The following KIAA0513 variants were observed in gnomAD, a reference collection of about 807,000 sequenced individuals.
KIAA0513 encodes KIAA0513, also known as uncharacterized protein KIAA0513.
A neutral mutation model predicts 56.5 loss-of-function variants in KIAA0513; 39 were observed. The ratio of observed to expected loss-of-function variants is 0.69; its 90% confidence interval spans 0.53 to 0.90. The LOEUF is 0.90. KIAA0513 is among the 40% of genes least tolerant of loss of function. KIAA0513 has a pLI of 0.00. For missense variants in KIAA0513, 591 were observed against 535.2 expected (o/e 1.10, Z -1.03); for synonymous variants, 268 against 215.6 (o/e 1.24, Z -2.13).
In KIAA0513 at chr16:85,030,663, G is replaced by A. The variant is rs532683894; in HGVS notation, c.-173+2805G>A. On this transcript the variant is annotated intron_variant, in intron 1 of 12. Transcript: ENST00000683363. ...TCAGGAGGCTGAGGCAGAATCACTG[G>A]AACCCAGGAGGCGGAGGTTGCAGTG... Among the ~76,000 whole-genome samples, 5 of 151,810 alleles carry A rather than the reference G, an allele frequency of 3.3e-5. No homozygotes were observed. In the South Asian group the frequency reaches 1.0e-3, roughly 32 times the overall value.
chr16:85,073,742 G>A (rs901525550), intron 4 of KIAA0513, among the ~76,000 whole-genome samples: 1 of 152,182 alleles, frequency 6.6e-6, no homozygotes, highest in Admixed American at 6.5e-5. Flanking sequence ...GCCCTGATCT[G>A]GGCATATCTG....
chr16:85,082,450 C>A, intron 9 of KIAA0513, 114 bp from the exon 10 acceptor site: 1 of 980,408 alleles, frequency 1.0e-6, no homozygotes, highest in Non-Finnish European at 1.6e-6. Flanking sequence ...TTTCTCTGTC[C>A]CGCTCCGTTT....
In KIAA0513 at chr16:85,077,610, G is replaced by T; in HGVS notation, c.760G>T (p.Gly254Trp). The T allele has an allele frequency of 6.2e-7, 1 of 1,613,034 alleles. No homozygotes were observed. Among genetic ancestry groups the T allele is most frequent in the Non-Finnish European group, 8.5e-7 (1 of 1,179,438 alleles). The part of the protein sequence containing the change: ...FFGGLETKLK[G>W]PLARRNEEDE... ...CGGGGGGCTGGAGACCAAGCTGAAG[G>T]GGCCCCTGGCCAGGAGGAACGAGTA... Residue 254 changes from glycine to tryptophan, a missense_variant, in exon 6 of 13, where the codon GGG (glycine) becomes TGG (tryptophan). Gly to Trp is a radical substitution (Grantham distance 184, BLOSUM62 -2). Coordinates refer to ENST00000683363, the MANE Select transcript of KIAA0513 (RefSeq NM_001388359.1).
At chr16:85,041,824 G>A (rs1597594195) in intron 1 of KIAA0513, among the ~76,000 whole-genome samples, 1 of 152,084 alleles carries the variant, frequency 6.6e-6, no homozygotes, top group Non-Finnish European at 1.5e-5. Flanking sequence ...GGGGGTTCTG[G>A]ACCCATCTGA....
chr16:85,084,745 A>G (rs975008716), intron 10 of KIAA0513, among the ~76,000 whole-genome samples: 1 of 150,756 alleles, frequency 6.6e-6, no homozygotes, highest in East Asian at 1.9e-4. Context: ...TTGTATTTTT[A>G]GTAGAGACAG....
At chr16:85,072,082 G>A (rs542927332) in intron 3 of KIAA0513, among the ~76,000 whole-genome samples, 200 bp downstream of exon 3, 1 of 152,302 alleles carries the variant, frequency 6.6e-6, no homozygotes, top group South Asian at 2.1e-4. Context: ...TCTGGGCACA[G>A]TGGCTCATGC....
chr16:85,064,976 C>T (rs560564251), intron 1 of KIAA0513, among the ~76,000 whole-genome samples: 22 of 152,300 alleles, frequency 1.4e-4, no homozygotes, highest in Admixed American at 2.6e-4. Flanking sequence ...TGAGCCACCG[C>T]GCCCGGCCTA....
intron 1 of KIAA0513, among the ~76,000 whole-genome samples, chr16:85,052,190 C>G (rs1335522712): frequency 1.3e-5 from 2 of 152,158 alleles, no homozygotes; most frequent in East Asian, 3.9e-4. Context: ...CATGGTGGCA[C>G]ACGCCTGTAG....
At position 85,075,907 on chromosome 16, in the gene KIAA0513, C is replaced by T. The variant is rs764091109; in HGVS notation, c.567C>T (p.Tyr189=). 1.5e-5 allele frequency: 25 copies of T among 1,612,946 alleles called. No homozygotes were observed. The highest frequency in any genetic ancestry group is 2.0e-5 in the Non-Finnish European group (24 of 1,179,058). ...KNLMTMCFTY[Y]HIGKPQLLPP... ...TCATGACCATGTGCTTCACCTACTA[C>T]CACATCGGTAAGACATGGGTGGGCT... The change falls in exon 5 of 13, where the codon TAC becomes TAT. Residue 189 remains tyrosine, a synonymous_variant. Transcript: ENST00000683363.
intron 1 of KIAA0513, among the ~76,000 whole-genome samples, chr16:85,035,446 TC>T (rs951173630): frequency 2.6e-5 from 4 of 152,190 alleles, no homozygotes; most frequent in Non-Finnish European, 4.4e-5. Flanking sequence ...TCTTTTAGCG[TC>T]AGAATCTCTC....
At position 85,058,519 on chromosome 16, in the gene KIAA0513, G is replaced by T. The variant is rs2073360607; in HGVS notation, c.-172-8381G>T. 4.6e-5 allele frequency among the ~76,000 whole-genome samples: 7 copies of T among 151,928 alleles called. No individual in the cohort carries two copies. In the South Asian group the frequency reaches 1.5e-3, roughly 32 times the overall value. On this transcript the variant is annotated intron_variant, in intron 1 of 12. Transcript: ENST00000683363. ...AGTACAAAATTAGCCGGGTGGGGTG[G>T]CGCATGCCTGTAATTCCAGCTACTT... is the stretch of plus-strand genomic sequence containing the variant.
intron 4 of KIAA0513, among the ~76,000 whole-genome samples, chr16:85,075,464 T>G (rs1431407700): frequency 2.0e-5 from 3 of 152,168 alleles, no homozygotes; most frequent in Non-Finnish European, 4.4e-5. Flanking sequence ...TCATCCAGCT[T>G]ACTGCTAGTT....
chr16:85,075,168 AT>A (rs2073638246), intron 4 of KIAA0513, among the ~76,000 whole-genome samples: 1 of 138,328 alleles, frequency 7.2e-6, no homozygotes, highest in Non-Finnish European at 1.6e-5. Flanking sequence ...TTATAGTTTT[AT>A]TACTAGTTTA....
chr16:85,067,398 A>C lies in KIAA0513; in HGVS notation c.327A>C (p.Gly109=). The change falls in exon 2 of 13, where the codon GGA becomes GGC. Residue 109 remains glycine (G), a splice_region_variant and synonymous_variant. Coordinates refer to ENST00000683363, the MANE Select transcript of KIAA0513 (RefSeq NM_001388359.1). ...MRGYVEKIFS[G]GEDLDQEEKA... is the part of the protein sequence containing the mutation. ...GCTACGTGGAGAAGATCTTCTCTGG[A>C]GGGTAAGGGGCCTGTGTGGACGAGA... The C allele has an allele frequency of 6.3e-7, 1 of 1,597,174 alleles. No individual in the cohort carries two copies. The highest frequency in any genetic ancestry group is 1.1e-5 in the South Asian group (1 of 90,532).
chr16:85,037,562 A>G (rs1046579705), intron 1 of KIAA0513, among the ~76,000 whole-genome samples: 16 of 152,180 alleles, frequency 1.1e-4, no homozygotes, highest in African/African-American at 3.6e-4. Flanking sequence ...TTAAAAACTT[A>G]ATTTGCAGTG....
intron 10 of KIAA0513, among the ~76,000 whole-genome samples, chr16:85,083,338 T>C (rs1329337194): frequency 6.6e-6 from 1 of 152,228 alleles, no homozygotes; most frequent in African/African-American, 2.4e-5. Flanking sequence ...GGCTCTTTTG[T>C]TGGAGGATTC....
In KIAA0513 at chr16:85,052,268, T is replaced by C. The variant is rs1283174498; in HGVS notation, c.-172-14632T>C. Among the ~76,000 whole-genome samples the C allele has an allele frequency of 2.6e-5, 4 of 152,142 alleles. No individual in the cohort carries two copies. The South Asian group carries it at 8.3e-4, about 32-fold the overall frequency. On this transcript the variant is annotated intron_variant, in intron 1 of 12. Coordinates refer to ENST00000683363, the MANE Select transcript of KIAA0513 (RefSeq NM_001388359.1). Reference sequence around the variant, plus strand: ...CCTGGAGGTGGAGGTTGCAGTGAGCTGAGATCACGCCACTGCACTCCAGCC... The same window carrying C: ...CCTGGAGGTGGAGGTTGCAGTGAGCCGAGATCACGCCACTGCACTCCAGCC...
intron 1 of KIAA0513, among the ~76,000 whole-genome samples, chr16:85,052,279 C>T (rs2073263862): frequency 6.6e-6 from 1 of 152,052 alleles, no homozygotes; most frequent in African/African-American, 2.4e-5. Context: ...GAGATCACGC[C>T]ACTGCACTCC....
At chr16:85,029,402 A>G (rs1597581013) in intron 1 of KIAA0513, among the ~76,000 whole-genome samples, 1 of 152,264 alleles carries the variant, frequency 6.6e-6, no homozygotes, top group African/African-American at 2.4e-5. Context: ...AGCCAAAGGC[A>G]ATGAGAAGCC....
Sources: gnomAD v4.1 joint callset for allele counts (sites outside exome capture counted in the v4.1 genomes callset) on GRCh38, gnomAD v4.1.1 for gene constraint, MANE v1.5 for transcripts, NCBI Gene and HGNC (gene_info 2026-07-23, HGNC 2026-07-21) for gene names.